Variants in DNAJA2 observed in about 807,000 individuals in gnomAD.
DNAJA2 encodes the protein dnaJ homolog subfamily A member 2.
Under a neutral mutation model 49.3 loss-of-function variants are expected in DNAJA2, and 6 were observed. That is an observed-to-expected ratio of 0.12 (90% CI 0.07 to 0.24). The LOEUF is 0.24. Ranked by LOEUF, DNAJA2 falls within the 10% of genes least tolerant of loss-of-function variation. DNAJA2 has a pLI of 1.00. For missense variants in DNAJA2, 347 were observed against 516.8 expected, an observed-to-expected ratio of 0.67 and a Z score of 3.19; for synonymous variants, 160 against 172.7, an observed-to-expected ratio of 0.93 and a Z score of 0.58.
chr16:46,967,197 C>T (rs1006341081), intron 5 of DNAJA2, among the ~76,000 whole-genome samples: 2 of 152,154 alleles, frequency 1.3e-5, no homozygotes, highest in African/African-American at 4.8e-5. Flanking sequence ...AGCAATCCTC[C>T]CGCCTCAGCC....
rs56341873 is a variant in DNAJA2 at position 46,955,854 on chromosome 16, CTTTT to C, written c.*1171_*1174del. 4 of 147,366 alleles carry C rather than the reference CTTTT, an allele frequency of 2.7e-5. No individual in the cohort carries two copies. Among genetic ancestry groups the C allele is most frequent in the East Asian group, 2.0e-4 (1 of 5,052 alleles). The allele number at this position is 147,366 out of a possible 1,614,324, so 9.1% of individuals were successfully genotyped here. A position where few individuals can be genotyped will look rare whatever the true frequency, so the allele number is the denominator to read the frequency against. Reference sequence around the variant, plus strand: ...TTTACCTGATTTTTCTCAAACCAGCCTTTTTTTTTTGCTTATTTTTAGTTTGAAA... The same window carrying C: ...TTTACCTGATTTTTCTCAAACCAGCCTTTTTTGCTTATTTTTAGTTTGAAA... On this transcript the variant is annotated 3_prime_UTR_variant, in exon 9 of 9. Coordinates refer to ENST00000317089, the MANE Select transcript of DNAJA2 (RefSeq NM_005880.4).
At position 46,955,707 on chromosome 16, in the gene DNAJA2, T is replaced by C. The variant is rs1020049560; in HGVS notation, c.*1322A>G. On this transcript the variant is annotated 3_prime_UTR_variant, in exon 9 of 9. Transcript: ENST00000317089. Reference sequence around the variant, plus strand: ...TCAGTTTTCCCCATTTGTTCCTTTATAAATGTAAAATTGTGCATCTGATGT... The same window carrying C: ...TCAGTTTTCCCCATTTGTTCCTTTACAAATGTAAAATTGTGCATCTGATGT... The C allele has an allele frequency of 1.6e-4, 25 of 152,344 alleles. No individual in the cohort carries two copies. Among genetic ancestry groups the C allele is most frequent in the African/African-American group, 5.3e-4 (22 of 41,590 alleles). The allele number at this position is 152,344 out of a possible 1,614,324, so 9.4% of individuals were successfully genotyped here.
At chr16:46,973,370 A>C in intron 1 of DNAJA2, 125 bp downstream of exon 1, 6 of 812,250 alleles carry the variant, frequency 7.4e-6, no homozygotes, top group Non-Finnish European at 3.2e-6. Flanking sequence ...GCCGACTCCC[A>C]GCCCGGGCCA....
At chr16:46,964,893 TTC>T in intron 5 of DNAJA2, 86 bp from the exon 6 acceptor site, 1 of 1,163,728 alleles carries the variant, frequency 8.6e-7, no homozygotes, top group Non-Finnish European at 1.2e-6. Context: ...CTTTCTGGAC[TTC>T]TTTTAATCAC....
At chr16:46,968,001 C>T in intron 4 of DNAJA2, 83 bp downstream of exon 4, 2 of 1,326,448 alleles carry the variant, frequency 1.5e-6, no homozygotes, top group Non-Finnish European at 2.1e-6. Context: ...TAACTTATAA[C>T]AATTTTTACG....
Position 46,956,933 on chromosome 16 carries a change from G to A in DNAJA2, c.*96C>T. 2.2e-6 allele frequency: 3 copies of A among 1,363,876 alleles called. No homozygotes were observed. Among genetic ancestry groups the A allele is most frequent in the Non-Finnish European group, 3.1e-6 (3 of 956,320 alleles). The allele number at this position is 1,363,876 out of a possible 1,614,324, so 84.5% of individuals were successfully genotyped here. The stretch of plus-strand genomic sequence containing the variant: ...TACATAGACCAACAGATGTCCCTCA[G>A]TTCATCTGGATTGATAAGACACTCC... On this transcript the variant is annotated 3_prime_UTR_variant, in exon 9 of 9. Coordinates refer to ENST00000317089, the MANE Select transcript of DNAJA2 (RefSeq NM_005880.4).
At chr16:46,971,230 C>A (rs574861967) in intron 3 of DNAJA2, 119 bp downstream of exon 3, 5 of 765,008 alleles carry the variant, frequency 6.5e-6, no homozygotes, top group Non-Finnish European at 1.0e-5. Flanking sequence ...GAAGACAAGG[C>A]AAATGGAAGT....
In DNAJA2 at chr16:46,972,037, G is replaced by A. The variant is rs556624868; in HGVS notation, c.79-82C>T. The A allele has an allele frequency of 5.3e-5, 51 of 963,938 alleles. 1 individual carries two copies. In the South Asian group the frequency reaches 6.7e-4, roughly 13 times the overall value. 59.7% of individuals were successfully genotyped at this position (963,938 alleles called of 1,614,324 possible). On this transcript the variant is annotated intron_variant, in intron 1 of 8. Transcript: ENST00000317089. ...GTAATAACTTAATATCCACTTTTCT[G>A]AGAAGTAATGTTCTAGAGTTATAAC...
At chr16:46,959,521 A>G (rs1348225202) in intron 6 of DNAJA2, 102 bp from the exon 7 acceptor site, 2 of 1,121,162 alleles carry the variant, frequency 1.8e-6, no homozygotes, top group Non-Finnish European at 2.5e-6. Context: ...TATTTCTACC[A>G]CTCACTGCAA....
intron 5 of DNAJA2, 124 bp downstream of exon 5, chr16:46,967,389 G>A (rs564167170): frequency 3.1e-5 from 39 of 1,245,010 alleles, no homozygotes; most frequent in South Asian, 1.6e-4. Context: ...TAACGCACCC[G>A]GCCTCCTTTT....
rs10523905 is a variant in DNAJA2 at position 46,970,730 on chromosome 16, CAAA to C, written c.362+616_362+618del. 5.2e-3 allele frequency among the ~76,000 whole-genome samples: 169 copies of C among 32,192 alleles called. 1 individual carries two copies. Among genetic ancestry groups the C allele is most frequent in the South Asian group, 0.011 (5 of 444 alleles). The allele number at this position is 32,192 out of a possible 152,430, so 21.1% of individuals were successfully genotyped here. ...AACCCGGGCGACAGGGACTCCATTT[CAAA>C]AAAAAAAAAAAAAAAAAAAAAAAGG... On this transcript the variant is annotated intron_variant, in intron 3 of 8. Coordinates refer to ENST00000317089, the MANE Select transcript of DNAJA2 (RefSeq NM_005880.4).
chr16:46,957,985 T>C (rs1377861909), intron 8 of DNAJA2, among the ~76,000 whole-genome samples: 2 of 151,960 alleles, frequency 1.3e-5, no homozygotes, highest in East Asian at 1.9e-4. Flanking sequence ...TCCTAACAAC[T>C]AGGAAAGCCT....
At chr16:46,971,802 T>C (rs902071424) in intron 2 of DNAJA2, 94 bp downstream of exon 2, 7 of 1,157,870 alleles carry the variant, frequency 6.0e-6, no homozygotes, top group African/African-American at 4.6e-5. Flanking sequence ...GTGGGCATAG[T>C]TGGATTTTTT....
chr16:46,957,483 AT>A (rs1961832175), intron 8 of DNAJA2, among the ~76,000 whole-genome samples: 1 of 152,032 alleles, frequency 6.6e-6, no homozygotes, highest in African/African-American at 2.4e-5. Context: ...GGTACCTGTA[AT>A]CCTAGCTAGT....
intron 6 of DNAJA2, among the ~76,000 whole-genome samples, chr16:46,962,699 C>T (rs1961915847): frequency 6.6e-6 from 1 of 152,190 alleles, no homozygotes; most frequent in Admixed American, 6.5e-5. Flanking sequence ...CTACAAGACC[C>T]AAAGGCAGAA....
At chr16:46,964,237 A>G (rs1055597148) in intron 6 of DNAJA2, among the ~76,000 whole-genome samples, 14 of 152,068 alleles carry the variant, frequency 9.2e-5, no homozygotes, top group African/African-American at 3.4e-4. Flanking sequence ...CCAGGAGTGA[A>G]GAAGCATGCC....
Position 46,971,354 on chromosome 16 carries a change from T to C in DNAJA2, c.357A>G (p.Pro119=), listed in dbSNP as rs1217738327. ...CAACAAAACAAGATATTCACTTGAG[T>C]GGATGCATCATGTCCTCTCCTCTTC... ...GRRRGEDMMH[P]LKVSLEDLYN... is the part of the protein sequence containing the mutation. The change falls in exon 3 of 9, where the codon CCA becomes CCG. Residue 119 remains proline, a synonymous_variant. Transcript: ENST00000317089. 6.2e-7 allele frequency: 1 copy of C among 1,608,668 alleles called. No homozygotes were observed. The highest frequency in any genetic ancestry group is 8.5e-7 in the Non-Finnish European group (1 of 1,178,162).
At chr16:46,964,987 G>A (rs893581519) in intron 5 of DNAJA2, among the ~76,000 whole-genome samples, 180 bp from the exon 6 acceptor site, 1 of 152,116 alleles carries the variant, frequency 6.6e-6, no homozygotes, top group African/African-American at 2.4e-5. Flanking sequence ...TGCGAGGTCA[G>A]GGTGGTAGGA....
intron 3 of DNAJA2, among the ~76,000 whole-genome samples, chr16:46,969,393 A>G (rs1403983346): frequency 1.3e-5 from 2 of 152,234 alleles, no homozygotes; most frequent in Non-Finnish European, 2.9e-5. Context: ...TATACTCTGC[A>G]TAACAAATCA....
Sources: gnomAD v4.1 joint callset for allele counts (sites outside exome capture counted in the v4.1 genomes callset) on GRCh38, gnomAD v4.1.1 for gene constraint, MANE v1.5 for transcripts, NCBI Gene and HGNC (gene_info 2026-07-23, HGNC 2026-07-21) for gene names.